The following CEP152 variants were observed in gnomAD, a reference collection of about 807,000 sequenced individuals.
CEP152 encodes the protein centrosomal protein 152, also known as centrosomal protein of 152 kDa.
Under a neutral mutation model 188.9 loss-of-function variants are expected in CEP152, and 132 were observed. That is an observed-to-expected ratio of 0.70 (90% confidence interval 0.61 to 0.81). The LOEUF (loss-of-function observed/expected upper bound fraction) is 0.81, where lower values mean the gene tolerates loss of function less well. Ranked by LOEUF, CEP152 falls within the 30% of genes least tolerant of loss-of-function variation. CEP152 has a pLI of 0.00. For synonymous variants in CEP152, 649 were observed against 666.6 expected (o/e 0.97, Z 0.41); for missense variants, 1,914 against 1,969.8 (o/e 0.97, Z 0.54).
intron 6 of CEP152, among the ~76,000 whole-genome samples, chr15:48,793,811 T>C (rs1388277671): frequency 2.0e-5 from 3 of 152,200 alleles, no homozygotes; most frequent in Non-Finnish European, 4.4e-5. Flanking sequence ...CTAACTACCA[T>C]TTTAGCCAGT....
chr15:48,736,083 G>A (rs1328484803), downstream of CEP152, among the ~76,000 whole-genome samples: 3 of 152,018 alleles, frequency 2.0e-5, no homozygotes, highest in African/African-American at 7.2e-5. Flanking sequence ...TACCAAAACT[G>A]ACTAAAGAAA....
At chr15:48,792,843 G>A (rs1897070145) in intron 7 of CEP152, among the ~76,000 whole-genome samples, 1 of 150,410 alleles carries the variant, frequency 6.6e-6, no homozygotes, top group African/African-American at 2.4e-5. Flanking sequence ...TTGAGACAGA[G>A]TCTCACTCTG....
chr15:48,783,946 G>A (rs1184588111), intron 10 of CEP152, 27 bp downstream of exon 10: 10 of 1,613,218 alleles, frequency 6.2e-6, no homozygotes, highest in Admixed American at 1.7e-5. Context: ...ACCTTCTGGG[G>A]AGACAGTGGA....
At chr15:48,749,418 G>A (rs897097448) in intron 21 of CEP152, among the ~76,000 whole-genome samples, 1 of 151,984 alleles carries the variant, frequency 6.6e-6, no homozygotes, top group Non-Finnish European at 1.5e-5. Context: ...GAAGATATTT[G>A]CATGGTCTTA....
intron 1 of CEP152, among the ~76,000 whole-genome samples, chr15:48,806,455 C>T (rs1897993413): frequency 6.6e-6 from 1 of 152,226 alleles, no homozygotes; most frequent in Non-Finnish European, 1.5e-5. Flanking sequence ...AACTTCAAAG[C>T]TCTGAACAAT....
chr15:48,747,319 T>G (rs747214462), intron 22 of CEP152, among the ~76,000 whole-genome samples: 5 of 152,154 alleles, frequency 3.3e-5, no homozygotes, highest in Non-Finnish European at 7.4e-5. Flanking sequence ...TGGCATTTTG[T>G]TTTTTGTCCA....
chr15:48,760,044 T>C (rs1894561734), intron 19 of CEP152, 91 bp downstream of exon 19: 1 of 1,540,870 alleles, frequency 6.5e-7, no homozygotes, highest in Admixed American at 1.7e-5. Flanking sequence ...CTTCAACAAT[T>C]CTATGAGTAG....
chr15:48,772,449 T>C (rs202189253), intron 13 of CEP152, 38 bp downstream of exon 13: 1 of 1,563,744 alleles, frequency 6.4e-7, no homozygotes, highest in Non-Finnish European at 8.8e-7. Flanking sequence ...TATTGAGCCT[T>C]TTAAAAATGG....
At chr15:48,797,634 A>G in intron 4 of CEP152, 27 bp downstream of exon 4, 5 of 1,614,112 alleles carry the variant, frequency 3.1e-6, no homozygotes, top group Non-Finnish European at 4.2e-6. Context: ...CACCCTCACC[A>G]AAGTCATCAT....
At chr15:48,793,923 A>C (rs924689759) in intron 6 of CEP152, among the ~76,000 whole-genome samples, 1 of 152,262 alleles carries the variant, frequency 6.6e-6, no homozygotes, top group African/African-American at 2.4e-5. Context: ...ATTTTTAAAG[A>C]AAATTTCTAG....
At chr15:48,743,128 T>C (rs757612205) in intron 24 of CEP152, among the ~76,000 whole-genome samples, 18 of 152,198 alleles carry the variant, frequency 1.2e-4, no homozygotes, top group Non-Finnish European at 2.5e-4. Context: ...ATTAATACAT[T>C]ATTAACAAAA....
At position 48,739,101 on chromosome 15, in the gene CEP152, C is replaced by A; in HGVS notation, c.4281G>T (p.Glu1427Asp). 1 of 1,614,204 alleles carries A rather than the reference C, an allele frequency of 6.2e-7. No individual in the cohort carries two copies. Among genetic ancestry groups the A allele is most frequent in the Non-Finnish European group, 8.5e-7 (1 of 1,180,018 alleles). The part of the protein sequence containing the change: ...CNLQRLLENS[E>D]HQSIKHVGSK... Reference sequence around the variant, plus strand: ...ATCCCACATGCTTTATGCTCTGATGCTCTGAGTTCTCTAACAGCCTTTGTA... The same window carrying A: ...ATCCCACATGCTTTATGCTCTGATGATCTGAGTTCTCTAACAGCCTTTGTA... The change falls in exon 27 of 27, where the codon GAG becomes GAT. Residue 1427 changes from glutamate (E) to aspartate (D), a missense_variant. By Grantham distance (45) the Glu-to-Asp change is conservative (BLOSUM62 2). Transcript: ENST00000380950.
At chr15:48,765,393 T>C (rs1478754861) in intron 17 of CEP152, among the ~76,000 whole-genome samples, 2 of 152,022 alleles carry the variant, frequency 1.3e-5, no homozygotes, top group Non-Finnish European at 2.9e-5. Context: ...AGTTTTGGGA[T>C]ACACGTGAAA....
Position 48,797,594 on chromosome 15 carries a change from G to C in CEP152, c.262-15C>G. On this transcript the variant is annotated splice_polypyrimidine_tract_variant and intron_variant, in intron 4 of 26. Transcript: ENST00000380950. ...TCATTATAGCCCTATTAGATAACAA[G>C]AGTAAAACAAAAGCACGAAGATCCA... The C allele has an allele frequency of 6.2e-7, 1 of 1,613,872 alleles. No homozygotes were observed. Among genetic ancestry groups the C allele is most frequent in the Non-Finnish European group, 8.5e-7 (1 of 1,179,972 alleles).
At chr15:48,748,299 T>C (rs1893609756) in intron 22 of CEP152, 144 bp downstream of exon 22, 5 of 1,283,772 alleles carry the variant, frequency 3.9e-6, no homozygotes, top group Non-Finnish European at 4.9e-6. Context: ...AATAATAATT[T>C]GATTAGTAAA....
chr15:48,741,655 T>C lies in CEP152; in HGVS notation c.4039A>G (p.Lys1347Glu). 1 of 1,614,160 alleles carries C rather than the reference T, an allele frequency of 6.2e-7. No homozygotes were observed. Among genetic ancestry groups the C allele is most frequent in the Admixed American group, 1.7e-5 (1 of 60,026 alleles). ...NAASKLATMA[K>E]LLETPISSKS... ...CTAGAAATAGGTGTTTCCAGTAATT[T>C]TGCCATTGTAGCAAGTTTGCTAGCA... Residue 1347 changes from lysine (K) to glutamate (E), a missense_variant, in exon 26 of 27, where the codon AAA becomes GAA. Lys to Glu is a moderately conservative substitution (Grantham distance 56). Transcript: ENST00000380950.
Position 48,797,953 on chromosome 15 carries a change from G to A in CEP152, c.186C>T (p.Asp62=), listed in dbSNP as rs548567364. The A allele has an allele frequency of 1.3e-4, 210 of 1,613,378 alleles. No individual in the cohort carries two copies. Among genetic ancestry groups the A allele is most frequent in the Middle Eastern group, 5.0e-4 (3 of 6,054 alleles). ...AAGTGACTTCAGGTGCTTACTGTCC[G>A]TCTGTGCCATCCTCGCTGCAGTCCG... ...QYSDCSEDGT[D]GQPHHPEQLE... is the part of the protein sequence containing the mutation. The change falls in exon 3 of 27, where the codon GAC becomes GAT. Residue 62 remains aspartate (D), a synonymous_variant. Transcript: ENST00000380950.
rs771524533 is a variant in CEP152, at chr15:48,797,540, A to G, written c.301T>C (p.Cys101Arg). 4 of 1,614,026 alleles carry G rather than the reference A, an allele frequency of 2.5e-6. No homozygotes were observed. Among genetic ancestry groups the G allele is most frequent in the South Asian group, 2.2e-5 (2 of 91,084 alleles). The change falls in exon 5 of 27, where the codon TGT becomes CGT. Residue 101 changes from cysteine (C) to arginine (R), a missense_variant. Physicochemically the swap from Cys to Arg is radical, Grantham distance 180 (BLOSUM62 -3). Coordinates refer to ENST00000380950, the MANE Select transcript of CEP152 (RefSeq NM_001194998.2). ...CTATTTTCTTCCCAGACATTACCAC[A>G]TTTTTCTCCAGCATATAAACTCTGA... ...EIQSLYAGEK[C>R]GNVWEENRSK...
In CEP152 at chr15:48,741,588, C is replaced by T. The variant is rs1049928626; in HGVS notation, c.4093+13G>A. On this transcript the variant is annotated intron_variant, in intron 26 of 26. Coordinates refer to ENST00000380950, the MANE Select transcript of CEP152 (RefSeq NM_001194998.2). Reference sequence around the variant, plus strand: ...AAGATAGAAAAACCATTTGGCGACTCACTTTGACATACCTGACTGTGTAGT... The same window carrying T: ...AAGATAGAAAAACCATTTGGCGACTTACTTTGACATACCTGACTGTGTAGT... The T allele has an allele frequency of 1.9e-6, 3 of 1,613,958 alleles. No individual in the cohort carries two copies. Among genetic ancestry groups the T allele is most frequent in the African/African-American group, 2.7e-5 (2 of 74,926 alleles).
Sources: allele counts gnomAD v4.1 joint callset (sites outside exome capture counted in the v4.1 genomes callset), GRCh38; gene constraint gnomAD v4.1.1; transcripts MANE v1.5; gene names NCBI Gene and HGNC (gene_info 2026-07-23, HGNC 2026-07-21).